The following BMPR2 variants were observed in gnomAD, a reference collection of about 807,000 sequenced individuals.
The protein encoded by BMPR2 is bone morphogenetic protein receptor type-2.
Under a neutral mutation model 100.8 loss-of-function variants are expected in BMPR2, and 29 were observed. That is an observed-to-expected ratio of 0.29 (90% CI 0.21 to 0.39). The LOEUF (loss-of-function observed/expected upper bound fraction) is 0.39, where lower values mean the gene tolerates loss of function less well. Ranked by LOEUF, BMPR2 falls within the 10% of genes least tolerant of loss-of-function variation. The pLI, the probability that BMPR2 is intolerant of heterozygous loss-of-function variation, is 1.00. For synonymous variants in BMPR2, 382 were observed against 442.3 expected (o/e 0.86, Z 1.71); for missense variants, 1,011 against 1,274.5 (o/e 0.79, Z 3.15).
intron 1 of BMPR2, among the ~76,000 whole-genome samples, chr2:202,420,710 CT>C (rs1258240380): frequency 1.3e-4 from 20 of 151,728 alleles, no homozygotes; most frequent in Non-Finnish European, 2.9e-5. Context: ...CCATGCCTGG[CT>C]AATTTTTGTA....
chr2:202,434,908 A>AAAAAAT (rs1559037398), intron 1 of BMPR2, among the ~76,000 whole-genome samples: 8 of 38,422 alleles, frequency 2.1e-4, no homozygotes, highest in Non-Finnish European at 2.2e-4. Context: ...AAAAAAAAAA[A>AAAAAAT]ATATATATAT....
intron 7 of BMPR2, among the ~76,000 whole-genome samples, chr2:202,527,847 A>G (rs928469625): frequency 6.6e-6 from 1 of 152,076 alleles, no homozygotes; most frequent in Non-Finnish European, 1.5e-5. Flanking sequence ...ATTCCCAAGT[A>G]CAGATGTTTC....
intron 3 of BMPR2, among the ~76,000 whole-genome samples, chr2:202,478,422 A>G (rs1692591585): frequency 6.6e-6 from 1 of 152,194 alleles, no homozygotes; most frequent in South Asian, 2.1e-4. Context: ...ATGTATTTGG[A>G]ATGGGTTGAC....
At chr2:202,409,611 A>G (rs755564270) in intron 1 of BMPR2, among the ~76,000 whole-genome samples, 3 of 152,200 alleles carry the variant, frequency 2.0e-5, no homozygotes, top group Non-Finnish European at 4.4e-5. Context: ...AAACAAACGA[A>G]TCATGCAGGT....
chr2:202,526,648 C>G (rs972581019), intron 7 of BMPR2, among the ~76,000 whole-genome samples: 1 of 152,138 alleles, frequency 6.6e-6, no homozygotes. Context: ...ACTTAAAATA[C>G]CATCCTAATC....
Position 202,510,905 on chromosome 2 carries a change from C to T in BMPR2, c.419-2814C>T, listed in dbSNP as rs148495708. On this transcript the variant is annotated intron_variant, in intron 3 of 12. Transcript: ENST00000374580. ...CATGTTGGTCAGGCTGGTCTCAAAC[C>T]CCTGACCTTGTGATCCGTCTGCCTC... Among the ~76,000 whole-genome samples the T allele has an allele frequency of 7.6e-3, 1,150 of 151,758 alleles. 8 individuals are homozygous for T. The highest frequency in any genetic ancestry group is 0.012 in the Admixed American group (183 of 15,238).
At chr2:202,393,052 A>G (rs899020602) in intron 1 of BMPR2, among the ~76,000 whole-genome samples, 8 of 152,182 alleles carry the variant, frequency 5.3e-5, no homozygotes, top group Admixed American at 3.3e-4. Context: ...ACTAGTATCA[A>G]TGACTTAAAA....
rs1688682469 is a variant in BMPR2 at position 202,561,812 on chromosome 2, T to G, written c.*1866T>G. Reference sequence around the variant, plus strand: ...TTCTCATTTGCCATGTGCTGTGATCTTACAAGTTAGATGTTACTATACCTA... The same window carrying G: ...TTCTCATTTGCCATGTGCTGTGATCGTACAAGTTAGATGTTACTATACCTA... On this transcript the variant is annotated 3_prime_UTR_variant, in exon 13 of 13. Coordinates refer to ENST00000374580, the MANE Select transcript of BMPR2 (RefSeq NM_001204.7). 1 of 152,192 alleles carries G rather than the reference T, an allele frequency of 6.6e-6. No individual in the cohort carries two copies. Among genetic ancestry groups the G allele is most frequent in the South Asian group, 2.1e-4 (1 of 4,828 alleles). The allele number at this position is 152,192 out of a possible 1,614,324, so 9.4% of individuals were successfully genotyped here.
intron 4 of BMPR2, 52 bp from the exon 5 acceptor site, chr2:202,514,836 A>T: frequency 7.2e-7 from 1 of 1,395,668 alleles, no homozygotes; most frequent in African/African-American, 1.4e-5. Context: ...GTGTAAAAAG[A>T]TATTCATTTT....
chr2:202,533,942 C>CT (rs1352243504), intron 9 of BMPR2, among the ~76,000 whole-genome samples: 4 of 152,110 alleles, frequency 2.6e-5, no homozygotes, highest in African/African-American at 9.7e-5. Flanking sequence ...CATCTAAAAA[C>CT]TTTAACTATA....
chr2:202,435,321 G>A (rs1219691873), intron 1 of BMPR2, among the ~76,000 whole-genome samples: 2 of 142,186 alleles, frequency 1.4e-5, no homozygotes, highest in Non-Finnish European at 3.0e-5. Context: ...CTGAGATCAT[G>A]CCACTGCACT....
chr2:202,394,595 T>C lies in BMPR2; in HGVS notation c.76+17045T>C, dbSNP rs1690621919. On this transcript the variant is annotated intron_variant, in intron 1 of 12. Transcript: ENST00000374580. Reference sequence around the variant, plus strand: ...CTGAAAGGTAGATATTTTTCCTGTTTTAGAGTTAGGGAAACAGACTAACAG... The same window carrying C: ...CTGAAAGGTAGATATTTTTCCTGTTCTAGAGTTAGGGAAACAGACTAACAG... Among the ~76,000 whole-genome samples the C allele has an allele frequency of 5.3e-5, 8 of 152,226 alleles. No individual in the cohort carries two copies. The South Asian group carries it at 1.7e-3, about 32-fold the overall frequency.
rs1356884805 is a variant in BMPR2, at chr2:202,513,957, T to C, written c.529+128T>C. ...TTATGCAAAATACACCCAGCCTCAA[T>C]AGTATCACGTATGGACAGTATTGTT... On this transcript the variant is annotated intron_variant, in intron 4 of 12. Coordinates refer to ENST00000374580, the MANE Select transcript of BMPR2 (RefSeq NM_001204.7). 6 of 678,922 alleles carry C rather than the reference T, an allele frequency of 8.8e-6. No individual in the cohort carries two copies. In the East Asian group the frequency reaches 1.7e-4, roughly 19 times the overall value. The allele number at this position is 678,922 out of a possible 1,614,324, so 42.1% of individuals were successfully genotyped here.
chr2:202,463,499 A>G (rs1432517340), intron 1 of BMPR2, among the ~76,000 whole-genome samples: 2 of 152,236 alleles, frequency 1.3e-5, no homozygotes, highest in East Asian at 3.8e-4. Context: ...GTGCGTATGA[A>G]TTAAGCCATA....
At chr2:202,543,533 A>G (rs570783374) in intron 10 of BMPR2, among the ~76,000 whole-genome samples, 1 of 151,762 alleles carries the variant, frequency 6.6e-6, no homozygotes, top group African/African-American at 2.4e-5. Flanking sequence ...TAATGATTCT[A>G]TTGGATGATA....
In BMPR2 at chr2:202,563,450, A is replaced by G. The variant is rs1159782282; in HGVS notation, c.*3504A>G. On this transcript the variant is annotated 3_prime_UTR_variant, in exon 13 of 13. Coordinates refer to ENST00000374580, the MANE Select transcript of BMPR2 (RefSeq NM_001204.7). ...AGACTGCCTCAAAAAAAAAACATAA[A>G]AATTCAGTCACTATACTCTGGCACA... 6.6e-6 allele frequency: 1 copy of G among 152,060 alleles called. No individual in the cohort carries two copies. Among genetic ancestry groups the G allele is most frequent in the Non-Finnish European group, 1.5e-5 (1 of 68,008 alleles). The allele number at this position is 152,060 out of a possible 1,614,324, so 9.4% of individuals were successfully genotyped here.
intron 3 of BMPR2, among the ~76,000 whole-genome samples, chr2:202,481,640 A>C (rs1177366983): frequency 1.3e-5 from 2 of 152,190 alleles, no homozygotes; most frequent in Non-Finnish European, 2.9e-5. Context: ...ATTCATGAAC[A>C]CGATATCTTT....
chr2:202,381,425 G>T (rs1315521488), intron 1 of BMPR2, among the ~76,000 whole-genome samples: 12 of 152,078 alleles, frequency 7.9e-5, no homozygotes. Flanking sequence ...TCTATCTGGG[G>T]GAGGCTTGTG....
At chr2:202,431,615 G>A (rs1179720055) in intron 1 of BMPR2, among the ~76,000 whole-genome samples, 1 of 150,402 alleles carries the variant, frequency 6.6e-6, no homozygotes, top group South Asian at 2.1e-4. Context: ...TACTTTTTCT[G>A]TGTTTAGATA....
Sources: gnomAD v4.1 joint callset for allele counts (sites outside exome capture counted in the v4.1 genomes callset) on GRCh38, gnomAD v4.1.1 for gene constraint, MANE v1.5 for transcripts, NCBI Gene and HGNC (gene_info 2026-07-23, HGNC 2026-07-21) for gene names.